Variants in HS6ST3 observed in about 807,000 individuals in gnomAD.
The protein encoded by HS6ST3 is heparan sulfate 6-O-sulfotransferase 3.
HS6ST3 carries 12 observed loss-of-function variants against 36.7 expected under a neutral mutation model. The ratio of observed to expected loss-of-function variants is 0.33; its 90% confidence interval spans 0.21 to 0.53. HS6ST3 has a LOEUF of 0.53. Ranked by LOEUF, HS6ST3 falls within the 20% of genes least tolerant of loss-of-function variation. The probability of loss-of-function intolerance (pLI) is 0.95; values close to 1 mark genes in which losing one functional copy is unlikely to be tolerated. For missense variants in HS6ST3, 584 were observed against 640.9 expected (o/e 0.91, Z 0.96); for synonymous variants, 240 against 257.5 (o/e 0.93, Z 0.65).
At chr13:96,657,560 T>C (rs2056629862) in intron 1 of HS6ST3, among the ~76,000 whole-genome samples, 1 of 152,170 alleles carries the variant, frequency 6.6e-6, no homozygotes, top group African/African-American at 2.4e-5. Flanking sequence ...GAACACAATG[T>C]CCTGTCAATT....
intron 1 of HS6ST3, among the ~76,000 whole-genome samples, chr13:96,240,992 C>A (rs907156293): frequency 2.0e-5 from 3 of 152,168 alleles, no homozygotes; most frequent in African/African-American, 7.2e-5. Context: ...CTGATATATG[C>A]CCTGGCATAT....
At chr13:96,746,135 C>T (rs1876554926) in intron 1 of HS6ST3, among the ~76,000 whole-genome samples, 2 of 152,018 alleles carry the variant, frequency 1.3e-5, no homozygotes, top group Non-Finnish European at 2.9e-5. Flanking sequence ...TATTTTCTTG[C>T]CAGGATTAAG....
At chr13:96,395,894 G>C (rs1482589987) in intron 1 of HS6ST3, among the ~76,000 whole-genome samples, 2 of 152,120 alleles carry the variant, frequency 1.3e-5, no homozygotes, top group Non-Finnish European at 2.9e-5. Flanking sequence ...AAGAAAAATA[G>C]GGAAGAGGTA....
intron 1 of HS6ST3, among the ~76,000 whole-genome samples, chr13:96,366,110 A>G (rs1283074240): frequency 6.6e-6 from 1 of 152,206 alleles, no homozygotes; most frequent in African/African-American, 2.4e-5. Context: ...AATTTTTTAT[A>G]CACTTGAATA....
At chr13:96,569,563 G>A (rs1314216211) in intron 1 of HS6ST3, among the ~76,000 whole-genome samples, 1 of 151,820 alleles carries the variant, frequency 6.6e-6, no homozygotes, top group African/African-American at 2.4e-5. Context: ...AACAACTGGT[G>A]AAAATGAAAA....
chr13:96,235,899 T>C (rs2054532394), intron 1 of HS6ST3, among the ~76,000 whole-genome samples: 1 of 152,080 alleles, frequency 6.6e-6, no homozygotes, highest in South Asian at 2.1e-4. Context: ...GCTTACATGA[T>C]CACAAGGTAA....
At chr13:96,558,605 A>T (rs1208288595) in intron 1 of HS6ST3, among the ~76,000 whole-genome samples, 2 of 152,180 alleles carry the variant, frequency 1.3e-5, no homozygotes, top group Admixed American at 6.5e-5. Flanking sequence ...CTTAAAAAAG[A>T]TAGTATAGTA....
At chr13:96,430,657 C>G in intron 1 of HS6ST3, among the ~76,000 whole-genome samples, 1 of 152,196 alleles carries the variant, frequency 6.6e-6, no homozygotes, top group East Asian at 1.9e-4. Context: ...TCCCTACAGT[C>G]TGAGTTCCAA....
intron 1 of HS6ST3, among the ~76,000 whole-genome samples, chr13:96,455,658 G>A (rs2055751337): frequency 6.6e-6 from 1 of 152,154 alleles, no homozygotes; most frequent in Non-Finnish European, 1.5e-5. Context: ...AAAATTTAAA[G>A]CAATAAGGCT....
intron 1 of HS6ST3, among the ~76,000 whole-genome samples, chr13:96,119,807 A>T (rs766257107): frequency 1.3e-5 from 2 of 151,852 alleles, no homozygotes; most frequent in Non-Finnish European, 2.9e-5. Flanking sequence ...GTGAGGACTA[A>T]TGAGTCCTAA....
At chr13:96,483,895 T>G (rs1036110835) in intron 1 of HS6ST3, among the ~76,000 whole-genome samples, 1 of 152,196 alleles carries the variant, frequency 6.6e-6, no homozygotes, top group Non-Finnish European at 1.5e-5. Context: ...CATTTAGGTC[T>G]GTATTCCATT....
At chr13:96,667,066 C>T (rs2056666451) in intron 1 of HS6ST3, among the ~76,000 whole-genome samples, 1 of 152,036 alleles carries the variant, frequency 6.6e-6, no homozygotes, top group Non-Finnish European at 1.5e-5. Flanking sequence ...ACTTGTATTT[C>T]TTTTATTTAT....
At chr13:96,438,935 G>A (rs2055656299) in intron 1 of HS6ST3, among the ~76,000 whole-genome samples, 1 of 152,074 alleles carries the variant, frequency 6.6e-6, no homozygotes, top group Non-Finnish European at 1.5e-5. Flanking sequence ...GGGCATGGTG[G>A]CTGGTACCTG....
At chr13:96,525,440 C>T (rs893588048) in intron 1 of HS6ST3, among the ~76,000 whole-genome samples, 2 of 152,128 alleles carry the variant, frequency 1.3e-5, no homozygotes, top group Non-Finnish European at 2.9e-5. Context: ...TGCTCTGGTG[C>T]TTCTCCAGGA....
At chr13:96,096,360 A>G (rs2053790981) in intron 1 of HS6ST3, among the ~76,000 whole-genome samples, 1 of 152,210 alleles carries the variant, frequency 6.6e-6, no homozygotes. Flanking sequence ...ACTCTCAGTA[A>G]AAACTTGAGG....
At chr13:96,614,602 A>G (rs1193582039) in intron 1 of HS6ST3, among the ~76,000 whole-genome samples, 2 of 152,222 alleles carry the variant, frequency 1.3e-5, no homozygotes, top group African/African-American at 4.8e-5. Context: ...ATGAGGAAAA[A>G]TATCTATTAA....
chr13:96,540,874 T>C (rs2056174850), intron 1 of HS6ST3, among the ~76,000 whole-genome samples: 1 of 152,120 alleles, frequency 6.6e-6, no homozygotes, highest in South Asian at 2.1e-4. Flanking sequence ...GAATGGATGA[T>C]GCACTCAAGG....
intron 1 of HS6ST3, among the ~76,000 whole-genome samples, chr13:96,715,790 C>T (rs533508739): frequency 2.0e-5 from 3 of 152,108 alleles, no homozygotes; most frequent in African/African-American, 7.2e-5. Flanking sequence ...ATTTTTAGTT[C>T]CTTTATTGGT....
chr13:96,449,659 A>T (rs530636285), intron 1 of HS6ST3, among the ~76,000 whole-genome samples: 4 of 152,216 alleles, frequency 2.6e-5, no homozygotes, highest in Non-Finnish European at 5.9e-5. Context: ...GTAAATGTAC[A>T]TATTCACATA....
Sources: allele counts gnomAD v4.1 joint callset (sites outside exome capture counted in the v4.1 genomes callset), GRCh38; gene constraint gnomAD v4.1.1; transcripts MANE v1.5; gene names NCBI Gene and HGNC (gene_info 2026-07-23, HGNC 2026-07-21).